Variants in NIFK observed in about 807,000 individuals in gnomAD.
NIFK encodes the protein nucleolar protein interacting with the FHA domain of MKI67.
Under a neutral mutation model 31.7 loss-of-function variants are expected in NIFK, and 16 were observed. The ratio of observed to expected loss-of-function variants is 0.50; its 90% confidence interval spans 0.34 to 0.77. The LOEUF is 0.77. Among genes scored for constraint, NIFK ranks in the 30% least tolerant of loss-of-function variants. The pLI, the probability that NIFK is intolerant of heterozygous loss-of-function variation, is 0.01. For missense variants in NIFK, 341 were observed against 350.4 expected, an observed-to-expected ratio of 0.97 and a Z score of 0.21; for synonymous variants, 126 against 123.0, an observed-to-expected ratio of 1.02 and a Z score of -0.16.
chr2:121,732,633 G>A (rs1457196307), intron 2 of NIFK, among the ~76,000 whole-genome samples: 4 of 152,146 alleles, frequency 2.6e-5, no homozygotes. Flanking sequence ...TCTTCAACAG[G>A]TGGATTCTGG....
chr2:121,733,750 C>T (rs148423723), intron 2 of NIFK, among the ~76,000 whole-genome samples: 49 of 152,134 alleles, frequency 3.2e-4, no homozygotes, highest in African/African-American at 1.2e-3. Flanking sequence ...GCGCATCACA[C>T]AAAACAAGTT....
In NIFK at chr2:121,735,600, G is replaced by A. The variant is rs747636982; in HGVS notation, c.243+13C>T. On this transcript the variant is annotated intron_variant, in intron 2 of 6. Transcript: ENST00000285814. ...GAAAAACAAAACATTAAATCCAACT[G>A]CAAAAATCTTACCCTTTTACTTCTG... is the stretch of plus-strand genomic sequence containing the variant. 1 of 1,611,382 alleles carries A rather than the reference G, an allele frequency of 6.2e-7. No individual in the cohort carries two copies. The highest frequency in any genetic ancestry group is 2.2e-5 in the East Asian group (1 of 44,858).
At chr2:121,736,417 A>G (rs980400604) in intron 1 of NIFK, among the ~76,000 whole-genome samples, 1 of 152,264 alleles carries the variant, frequency 6.6e-6, no homozygotes, top group African/African-American at 2.4e-5. Flanking sequence ...CCTGTGGTAT[A>G]GGAGCCTATT....
Position 121,730,999 on chromosome 2 carries a change from C to A in NIFK, c.458G>T (p.Arg153Leu). 6.2e-7 allele frequency: 1 copy of A among 1,612,234 alleles called. No homozygotes were observed. Among genetic ancestry groups the A allele is most frequent in the Non-Finnish European group, 8.5e-7 (1 of 1,178,600 alleles). Residue 153 changes from arginine to leucine, a missense_variant, in exon 4 of 7, where the codon CGG (arginine) becomes CTG (leucine). Arg to Leu is a moderately radical substitution (Grantham distance 102). Coordinates refer to ENST00000285814, the MANE Select transcript of NIFK (RefSeq NM_032390.5). ...CATCCGTAGCTTTTGTGTTAGTGTC[C>A]GATTCCGATTATACCGTTTCACTGA... ...YPSVKRYNRNRTLTQKLRMEE... is the reference protein window; with the variant it reads ...YPSVKRYNRNLTLTQKLRMEE...
chr2:121,727,595 C>T lies in NIFK; in HGVS notation c.*129G>A. 1.2e-6 allele frequency: 1 copy of T among 833,452 alleles called. No individual in the cohort carries two copies. The highest frequency in any genetic ancestry group is 2.0e-6 in the Non-Finnish European group (1 of 504,880). 51.6% of individuals were successfully genotyped at this position (833,452 alleles called of 1,614,324 possible). A position where few individuals can be genotyped will look rare whatever the true frequency, so the allele number is the denominator to read the frequency against. The stretch of plus-strand genomic sequence containing the variant: ...CAAAATTACACACTGCTTTCCTTAA[C>T]TTGACCAAACAGTGTATTTTTCCTC... On this transcript the variant is annotated 3_prime_UTR_variant, in exon 7 of 7. Coordinates refer to ENST00000285814, the MANE Select transcript of NIFK (RefSeq NM_032390.5).
chr2:121,727,174 T>C lies in NIFK; in HGVS notation c.*550A>G, dbSNP rs573883196. ...ACAACCAAAACTAATTTAACATTAT[T>C]GGTAAAAATGAGTCATTTTTGAATC... On this transcript the variant is annotated 3_prime_UTR_variant, in exon 7 of 7. Coordinates refer to ENST00000285814, the MANE Select transcript of NIFK (RefSeq NM_032390.5). 1.4e-3 allele frequency: 332 copies of C among 245,040 alleles called. 2 individuals are homozygous for C. The highest frequency in any genetic ancestry group is 7.1e-3 in the African/African-American group (315 of 44,150). The allele number at this position is 245,040 out of a possible 1,614,324, so 15.2% of individuals were successfully genotyped here.
Position 121,727,491 on chromosome 2 carries a change from G to A in NIFK, c.*233C>T. On this transcript the variant is annotated 3_prime_UTR_variant, in exon 7 of 7. Transcript: ENST00000285814. ...ATGAAATATCAAAAGAAAACTAGAG[G>A]CCAGGACAAAGAGGCAATGTCAGCC... 1.5e-6 allele frequency: 1 copy of A among 676,540 alleles called. No individual in the cohort carries two copies. Among genetic ancestry groups the A allele is most frequent in the Non-Finnish European group, 2.8e-6 (1 of 360,708 alleles). 41.9% of individuals were successfully genotyped at this position (676,540 alleles called of 1,614,324 possible).
intron 3 of NIFK, 54 bp downstream of exon 3, chr2:121,732,042 C>A (rs897087150): frequency 2.2e-5 from 22 of 998,372 alleles, no homozygotes; most frequent in African/African-American, 3.2e-5. Flanking sequence ...CCACCACAGT[C>A]ACCCACCAAC....
chr2:121,736,846 G>A lies in NIFK; in HGVS notation c.5C>T (p.Ala2Val). ...TGGCCCAGCCGGGCCAGAAAAAGTC[G>A]CCATGCCAAAAGCCGCCGACGCTAA... Reference protein sequence around the residue: MATFSGPAGPIL... With the variant: MVTFSGPAGPIL... Residue 2 changes from alanine (A) to valine (V), a missense_variant, in exon 1 of 7, where the codon GCG becomes GTG. Physicochemically the swap from Ala to Val is moderately conservative, Grantham distance 64. Coordinates refer to ENST00000285814, the MANE Select transcript of NIFK (RefSeq NM_032390.5). 1.2e-6 allele frequency: 2 copies of A among 1,613,816 alleles called. No homozygotes were observed. Among genetic ancestry groups the A allele is most frequent in the Non-Finnish European group, 1.7e-6 (2 of 1,179,764 alleles).
chr2:121,734,946 A>G (rs906995248), intron 2 of NIFK, among the ~76,000 whole-genome samples: 2 of 152,210 alleles, frequency 1.3e-5, no homozygotes, highest in African/African-American at 4.8e-5. Context: ...CCCACATGCT[A>G]AATCAAATAG....
chr2:121,729,503 G>C (rs150654031), intron 4 of NIFK, among the ~76,000 whole-genome samples: 19 of 152,258 alleles, frequency 1.2e-4, no homozygotes, highest in Middle Eastern at 6.8e-3. Flanking sequence ...CAGTGTTTTG[G>C]TATCTACTTA....
chr2:121,728,698 A>T, intron 4 of NIFK, 162 bp from the exon 5 acceptor site: 1 of 522,072 alleles, frequency 1.9e-6, no homozygotes, highest in Non-Finnish European at 3.3e-6. Flanking sequence ...AGTAAAGGGC[A>T]AAACTAGGAA....
rs184699952 is a variant in NIFK at position 121,727,437 on chromosome 2, T to C, written c.*287A>G. On this transcript the variant is annotated 3_prime_UTR_variant, in exon 7 of 7. Coordinates refer to ENST00000285814, the MANE Select transcript of NIFK (RefSeq NM_032390.5). ...AACCTGCAGTTAGTGGTCAACTTTC[T>C]ATCCAGGCAGAGTAAACTAAGGAGA... 72 of 569,018 alleles carry C rather than the reference T, an allele frequency of 1.3e-4. No homozygotes were observed. Among genetic ancestry groups the C allele is most frequent in the Non-Finnish European group, 7.9e-5 (23 of 292,278 alleles). The allele number at this position is 569,018 out of a possible 1,614,324, so 35.2% of individuals were successfully genotyped here.
intron 4 of NIFK, 75 bp downstream of exon 4, chr2:121,730,818 G>C (rs2074533335): frequency 1.0e-6 from 1 of 970,896 alleles, no homozygotes; most frequent in East Asian, 2.4e-5. Flanking sequence ...TGCTAGGCTA[G>C]GTACTTTACA....
chr2:121,731,203 A>G, intron 3 of NIFK, 99 bp from the exon 4 acceptor site: 2 of 658,632 alleles, frequency 3.0e-6, no homozygotes, highest in Non-Finnish European at 5.2e-6. Flanking sequence ...GGCTGGGTAC[A>G]GTGGCTCACA....
rs757931936 is a variant in NIFK at position 121,730,827 on chromosome 2, C to A, written c.564+66G>T. ...GGTAAGTGCTAGGCTAGGTACTTTA[C>A]AAGGTACAAAGCTGCCCCCTCCCCT... On this transcript the variant is annotated intron_variant, in intron 4 of 6. Transcript: ENST00000285814. 3 of 1,078,818 alleles carry A rather than the reference C, an allele frequency of 2.8e-6. No homozygotes were observed. The Admixed American group carries it at 5.2e-5, about 19-fold the overall frequency. 66.8% of individuals were successfully genotyped at this position (1,078,818 alleles called of 1,614,324 possible).
chr2:121,732,254 GTCA>G (rs1559905930), intron 2 of NIFK, 50 bp from the exon 3 acceptor site: 2 of 1,066,896 alleles, frequency 1.9e-6, no homozygotes, highest in Admixed American at 1.8e-5. Context: ...ATTTGAATGC[GTCA>G]TCAAATTCCT....
At position 121,735,771 on chromosome 2, in the gene NIFK, T is replaced by C; in HGVS notation, c.106-21A>G. 2.5e-6 allele frequency: 4 copies of C among 1,592,256 alleles called. No individual in the cohort carries two copies. The South Asian group carries it at 4.5e-5, about 18-fold the overall frequency. Reference sequence around the variant, plus strand: ...TTTCGCTAAAGACGTAAAGACCAGGTAAATTAAATATATAAATAAGAAAAT... The same window carrying C: ...TTTCGCTAAAGACGTAAAGACCAGGCAAATTAAATATATAAATAAGAAAAT... On this transcript the variant is annotated intron_variant, in intron 1 of 6. Coordinates refer to ENST00000285814, the MANE Select transcript of NIFK (RefSeq NM_032390.5).
intron 2 of NIFK, 50 bp downstream of exon 2, chr2:121,735,563 T>C: frequency 6.3e-7 from 1 of 1,579,424 alleles, no homozygotes; most frequent in African/African-American, 1.3e-5. Context: ...ATGTCAAGGA[T>C]AATACACATT....
Sources: allele counts gnomAD v4.1 joint callset (sites outside exome capture counted in the v4.1 genomes callset), GRCh38; gene constraint gnomAD v4.1.1; transcripts MANE v1.5; gene names NCBI Gene and HGNC (gene_info 2026-07-23, HGNC 2026-07-21).